Variants in B3GAT2 observed in about 807,000 individuals in gnomAD.
The protein encoded by B3GAT2 is beta-1,3-glucuronyltransferase 2.
In B3GAT2, 26 loss-of-function variants were observed where a neutral mutation model predicts 27.8. The ratio of observed to expected loss-of-function variants is 0.93; its 90% CI spans 0.68 to 1.30. The LOEUF is 1.30. Ranked by LOEUF, B3GAT2 falls within the 50% of genes most tolerant of loss-of-function variation. The pLI is 0.00. For synonymous variants in B3GAT2, 218 were observed against 195.1 expected, an observed-to-expected ratio of 1.12 and a Z score of -0.98; for missense variants, 458 against 459.0, an observed-to-expected ratio of 1.00 and a Z score of 0.02.
chr6:70,868,227 G>T (rs1254223392), intron 2 of B3GAT2, among the ~76,000 whole-genome samples: 8 of 152,174 alleles, frequency 5.3e-5, no homozygotes, highest in Non-Finnish European at 1.2e-4. Context: ...AAGACTGAGT[G>T]TTAAATCCCT....
At chr6:70,939,879 A>C (rs1043503630) in intron 1 of B3GAT2, among the ~76,000 whole-genome samples, 16 of 152,086 alleles carry the variant, frequency 1.1e-4, no homozygotes, top group Non-Finnish European at 2.4e-4. Flanking sequence ...ATGTACCCTA[A>C]AACTTAAAGT....
chr6:70,873,614 G>A (rs1771970900), intron 2 of B3GAT2, among the ~76,000 whole-genome samples: 1 of 151,810 alleles, frequency 6.6e-6, no homozygotes, highest in African/African-American at 2.4e-5. Context: ...TACAGATTTG[G>A]GAAGTTCTAA....
chr6:70,919,481 T>C lies in B3GAT2; in HGVS notation c.592-25209A>G, dbSNP rs186152089. ...TTGTGATCCTTGGAGAAGAAAGGCG[T>C]TCTGGTTTTGGAATTTTCAGCCTTT... is the stretch of plus-strand genomic sequence containing the variant. On this transcript the variant is annotated intron_variant, in intron 1 of 3. Coordinates refer to ENST00000230053, the MANE Select transcript of B3GAT2 (RefSeq NM_080742.3). 3.9e-3 allele frequency among the ~76,000 whole-genome samples: 601 copies of C among 152,256 alleles called. 4 individuals carry two copies. Among genetic ancestry groups the C allele is most frequent in the African/African-American group, 0.014 (572 of 41,544 alleles).
At chr6:70,866,835 A>T (rs1771859201) in intron 2 of B3GAT2, among the ~76,000 whole-genome samples, 1 of 152,222 alleles carries the variant, frequency 6.6e-6, no homozygotes, top group Admixed American at 6.5e-5. Flanking sequence ...ACATTTATAG[A>T]ACACTCCACC....
At position 70,924,646 on chromosome 6, in the gene B3GAT2, A is replaced by T. The variant is rs113509512; in HGVS notation, c.592-30374T>A. Among the ~76,000 whole-genome samples the T allele has an allele frequency of 9.3e-3, 1,413 of 152,300 alleles. 11 individuals are homozygous for T. The highest frequency in any genetic ancestry group is 0.048 in the Middle Eastern group (14 of 294). ...CTTAAAACAGTGAGAAAATTATGAC[A>T]GTGAAGGAGATCTGATCCAACCAGC... On this transcript the variant is annotated intron_variant, in intron 1 of 3. Coordinates refer to ENST00000230053, the MANE Select transcript of B3GAT2 (RefSeq NM_080742.3).
At chr6:70,864,289 C>G (rs992597638) in intron 2 of B3GAT2, among the ~76,000 whole-genome samples, 1 of 152,146 alleles carries the variant, frequency 6.6e-6, no homozygotes, top group Non-Finnish European at 1.5e-5. Flanking sequence ...TTAACCATCA[C>G]GACCACTGAA....
intron 2 of B3GAT2, among the ~76,000 whole-genome samples, chr6:70,881,848 G>C (rs947277950): frequency 6.6e-6 from 1 of 152,114 alleles, no homozygotes; most frequent in African/African-American, 2.4e-5. Context: ...CCCCTCCTCT[G>C]TCTGTCTGTC....
Position 70,857,740 on chromosome 6 carries a change from A to G in B3GAT2, c.*3923T>C. 1 of 606,590 alleles carries G rather than the reference A, an allele frequency of 1.6e-6. No individual in the cohort carries two copies. The highest frequency in any genetic ancestry group is 2.9e-6 in the Non-Finnish European group (1 of 345,452). 37.6% of individuals were successfully genotyped at this position (606,590 alleles called of 1,614,324 possible). On this transcript the variant is annotated 3_prime_UTR_variant, in exon 4 of 4. Transcript: ENST00000230053. ...TCAGGTTAATAACTGATTTGTCTGCATCCTAGAAACAACCAGCTCTCAGGG... is the reference window on the plus strand; with the variant it reads ...TCAGGTTAATAACTGATTTGTCTGCGTCCTAGAAACAACCAGCTCTCAGGG...
intron 1 of B3GAT2, among the ~76,000 whole-genome samples, chr6:70,934,437 T>C (rs867920695): frequency 6.7e-6 from 1 of 150,034 alleles, no homozygotes; most frequent in Non-Finnish European, 1.5e-5. Flanking sequence ...TGTATTGTTA[T>C]TAAATGCACT....
intron 1 of B3GAT2, among the ~76,000 whole-genome samples, chr6:70,920,428 C>A (rs991473507): frequency 6.6e-6 from 1 of 152,186 alleles, no homozygotes; most frequent in Non-Finnish European, 1.5e-5. Context: ...ATGGGCTGCA[C>A]CCACTGTCCA....
chr6:70,928,199 AT>A (rs1156557328), intron 1 of B3GAT2, among the ~76,000 whole-genome samples: 3 of 152,182 alleles, frequency 2.0e-5, no homozygotes, highest in Non-Finnish European at 4.4e-5. Flanking sequence ...GTAGAGGGAA[AT>A]TTATAGCACT....
chr6:70,955,999 G>A lies in B3GAT2; in HGVS notation c.431C>T (p.Thr144Met). 1 of 1,459,592 alleles carries A rather than the reference G, an allele frequency of 6.9e-7. No homozygotes were observed. The allele number at this position is 1,459,592 out of a possible 1,614,324, so 90.4% of individuals were successfully genotyped here. The change falls in exon 1 of 4, where the codon ACG (threonine) becomes ATG (methionine). Residue 144 changes from threonine (T) to methionine (M), a missense_variant. Coordinates refer to ENST00000230053, the MANE Select transcript of B3GAT2 (RefSeq NM_080742.3). ...GLPSTHLHVP[T>M]PRRYKRPGLP... The stretch of plus-strand genomic sequence containing the variant: ...CCCGGGCCGCTTGTAGCGCCGCGGC[G>A]TGGGCACGTGCAGGTGAGTGCTGGG...
At chr6:70,876,243 T>C (rs1772011807) in intron 2 of B3GAT2, among the ~76,000 whole-genome samples, 1 of 152,214 alleles carries the variant, frequency 6.6e-6, no homozygotes, top group Admixed American at 6.5e-5. Flanking sequence ...TCCCCAATCC[T>C]AGTGAAATAA....
At chr6:70,936,354 A>G (rs1057258312) in intron 1 of B3GAT2, among the ~76,000 whole-genome samples, 3 of 152,038 alleles carry the variant, frequency 2.0e-5, no homozygotes, top group African/African-American at 7.3e-5. Flanking sequence ...CGAGACAGAA[A>G]GTTAACAAGG....
At chr6:70,914,787 T>A (rs1009442087) in intron 1 of B3GAT2, among the ~76,000 whole-genome samples, 6 of 152,286 alleles carry the variant, frequency 3.9e-5, no homozygotes, top group Non-Finnish European at 7.4e-5. Context: ...CATAGAATAC[T>A]ATATATCCAG....
chr6:70,857,969 G>A lies in B3GAT2; in HGVS notation c.*3694C>T. The A allele has an allele frequency of 6.2e-7, 1 of 1,614,118 alleles. No homozygotes were observed. The highest frequency in any genetic ancestry group is 8.5e-7 in the Non-Finnish European group (1 of 1,179,998). On this transcript the variant is annotated 3_prime_UTR_variant, in exon 4 of 4. Transcript: ENST00000230053. Reference sequence around the variant, plus strand: ...TATACCATTTACCTCACAAGCACCAGCTGCATTTCAGGGCTTTCCATCGAT... The same window carrying A: ...TATACCATTTACCTCACAAGCACCAACTGCATTTCAGGGCTTTCCATCGAT...
rs555438762 is a variant in B3GAT2 at position 70,869,151 on chromosome 6, C to A, written c.737-7173G>T. On this transcript the variant is annotated intron_variant, in intron 2 of 3. Transcript: ENST00000230053. ...TATTTCATTAATCTATATGGCTATCCTTATGTCAGTACCACACTGTATTAC... is the reference window on the plus strand; with the variant it reads ...TATTTCATTAATCTATATGGCTATCATTATGTCAGTACCACACTGTATTAC... 2.0e-5 allele frequency among the ~76,000 whole-genome samples: 3 copies of A among 152,138 alleles called. No individual in the cohort carries two copies. In the South Asian group the frequency reaches 6.2e-4, roughly 32 times the overall value.
chr6:70,893,141 A>G (rs1476673082), intron 2 of B3GAT2, among the ~76,000 whole-genome samples: 3 of 152,200 alleles, frequency 2.0e-5, no homozygotes, highest in African/African-American at 7.2e-5. Context: ...TGCCCCTCAG[A>G]TGACTCCTGG....
In B3GAT2 at chr6:70,956,269, A is replaced by C. The variant is rs765259453; in HGVS notation, c.161T>G (p.Leu54Arg). 1.9e-6 allele frequency: 3 copies of C among 1,609,834 alleles called. No individual in the cohort carries two copies. The highest frequency in any genetic ancestry group is 2.5e-6 in the Non-Finnish European group (3 of 1,177,916). The change falls in exon 1 of 4, where the codon CTC becomes CGC. Residue 54 changes from leucine (L) to arginine (R), a missense_variant. By Grantham distance (102) the Leu-to-Arg change is moderately radical. Coordinates refer to ENST00000230053, the MANE Select transcript of B3GAT2 (RefSeq NM_080742.3). ...CCCGTGAGCCGGGCCGCCCCTGCGG[A>C]GCGGGAGTCGGGCGCCCCCGCGGCC... The part of the protein sequence containing the change: ...AVGRGGARLP[L>R]RRGGPAHGTQ...
Sources: allele counts gnomAD v4.1 joint callset (sites outside exome capture counted in the v4.1 genomes callset), GRCh38; gene constraint gnomAD v4.1.1; transcripts MANE v1.5; gene names NCBI Gene and HGNC (gene_info 2026-07-23, HGNC 2026-07-21).